Variants in NCAPD3 observed in about 807,000 individuals in gnomAD.
The protein encoded by NCAPD3 is condensin-2 complex subunit D3.
Under a neutral mutation model 182.9 loss-of-function variants are expected in NCAPD3, and 105 were observed. That is an observed-to-expected ratio of 0.57 (90% CI 0.49 to 0.68). The LOEUF is 0.68. Ranked by LOEUF, NCAPD3 falls within the 30% of genes least tolerant of loss-of-function variation. The pLI, the probability that NCAPD3 is intolerant of heterozygous loss-of-function variation, is 0.00. For synonymous variants in NCAPD3, 815 were observed against 679.9 expected (o/e 1.20, Z -3.09); for missense variants, 1,944 against 1,837.0 (o/e 1.06, Z -1.07).
At chr11:134,168,287 A>C (rs1478160256) in intron 26 of NCAPD3, 92 bp from the exon 27 acceptor site, 4 of 1,442,788 alleles carry the variant, frequency 2.8e-6, no homozygotes, top group Non-Finnish European at 3.9e-6. Context: ...GGGCCATCTG[A>C]GGCTGTCAGG....
rs1943534282 is a variant in NCAPD3, at chr11:134,160,071, C to A, written c.3688G>T (p.Val1230Leu). The change falls in exon 29 of 35, where the codon GTG becomes TTG. Residue 1230 changes from valine to leucine, a missense_variant. By Grantham distance (32) the Val-to-Leu change is conservative (BLOSUM62 1). This residue lies in a region of NCAPD3 where 1,803 missense variants were observed against 1,674.6 expected (regional missense o/e 1.08). Transcript: ENST00000534548. The part of the protein sequence containing the change: ...LRELMHYLRE[V>L]MQDYRDELKD... ...AGCTCATCTCGGTAATCCTGCATCA[C>A]CTCCTGAAACAGAGCCAGGAGCATC... 3 of 1,613,622 alleles carry A rather than the reference C, an allele frequency of 1.9e-6. No homozygotes were observed.
chr11:134,225,068 G>C (rs370688819), upstream of NCAPD3: 1 of 1,512,048 alleles, frequency 6.6e-7, no homozygotes, highest in South Asian at 1.2e-5. Context: ...AGGGCAGCCC[G>C]CGCCCCGGTG....
At position 134,168,643 on chromosome 11, in the gene NCAPD3, C is replaced by A. The variant is rs73731; in HGVS notation, c.3240-41G>T. 5 of 1,611,840 alleles carry A rather than the reference C, an allele frequency of 3.1e-6. No individual in the cohort carries two copies. The African/African-American group carries it at 5.3e-5, about 17-fold the overall frequency. ...ACAAGTTCACTGCATCACATGGGCA[C>A]GGGTGTAAGGGATTTAACACTGCAC... On this transcript the variant is annotated intron_variant, in intron 25 of 34. Transcript: ENST00000534548.
intron 24 of NCAPD3, among the ~76,000 whole-genome samples, chr11:134,174,382 C>CAA (rs34533048): frequency 0.078 from 4,081 of 52,582 alleles, 287 homozygotes; most frequent in African/African-American, 0.11. Flanking sequence ...GACCCTGTCT[C>CAA]AAAAAAAAAA....
chr11:134,168,160 C>G lies in NCAPD3; in HGVS notation c.3409G>C (p.Asp1137His). 1.2e-6 allele frequency: 2 copies of G among 1,614,132 alleles called. No homozygotes were observed. The change falls in exon 27 of 35, where the codon GAC becomes CAC. Residue 1137 changes from aspartate (D) to histidine (H), a missense_variant. By Grantham distance (81) the Asp-to-His change is moderately conservative. Coordinates refer to ENST00000534548, the MANE Select transcript of NCAPD3 (RefSeq NM_015261.3). ...FADGILPLDL[D>H]ASELLSDTFE... The stretch of plus-strand genomic sequence containing the variant: ...GTGTCTGAGAGTAACTCACTGGCGT[C>G]CAGGTCCAGGGGTAGGATGCCATCA...
intron 31 of NCAPD3, among the ~76,000 whole-genome samples, 154 bp downstream of exon 31, chr11:134,157,774 C>A (rs1943464595): frequency 6.6e-6 from 1 of 152,182 alleles, no homozygotes; most frequent in South Asian, 2.1e-4. Context: ...AATAAATATG[C>A]ATTGTTTTAC....
At chr11:134,222,324 A>T (rs1001377326) in intron 1 of NCAPD3, among the ~76,000 whole-genome samples, 3 of 152,208 alleles carry the variant, frequency 2.0e-5, no homozygotes, top group African/African-American at 7.2e-5. Context: ...TAGGGAAGCC[A>T]CTTATACTTC....
chr11:134,199,768 T>C (rs926737525), intron 13 of NCAPD3, among the ~76,000 whole-genome samples: 3 of 152,210 alleles, frequency 2.0e-5, no homozygotes, highest in African/African-American at 7.2e-5. Context: ...TGTCTTGTTA[T>C]GGGGATCCAT....
At chr11:134,157,866 G>C in intron 31 of NCAPD3, 62 bp downstream of exon 31, 1 of 1,514,414 alleles carries the variant, frequency 6.6e-7, no homozygotes, top group Non-Finnish European at 9.0e-7. Context: ...ATAAGAAGTA[G>C]CTTGTTCTGT....
intron 27 of NCAPD3, among the ~76,000 whole-genome samples, chr11:134,165,992 GA>G (rs1191409213): frequency 1.6e-5 from 2 of 128,014 alleles, no homozygotes; most frequent in African/African-American, 3.0e-5. Context: ...TGAGCTTAGG[GA>G]GAGCAGCACA....
intron 27 of NCAPD3, among the ~76,000 whole-genome samples, chr11:134,163,611 A>G (rs189176404): frequency 6.6e-5 from 10 of 151,676 alleles, no homozygotes; most frequent in African/African-American, 2.2e-4. Flanking sequence ...GAGGCAGGAG[A>G]ATGGCATGAA....
chr11:134,156,256 G>C (rs1194634854), intron 32 of NCAPD3, among the ~76,000 whole-genome samples: 1 of 152,158 alleles, frequency 6.6e-6, no homozygotes, highest in African/African-American at 2.4e-5. Context: ...AGTGAGGAGT[G>C]GAATGGCCAG....
At chr11:134,178,535 G>A (rs570866997) in intron 22 of NCAPD3, 99 bp downstream of exon 22, 2 of 910,086 alleles carry the variant, frequency 2.2e-6, no homozygotes, top group Non-Finnish European at 3.3e-6. Flanking sequence ...GACACAGACA[G>A]GCTCCGCAGC....
Position 134,204,010 on chromosome 11 carries a change from A to T in NCAPD3, c.1215+36T>A. 1.2e-6 allele frequency: 2 copies of T among 1,600,930 alleles called. No homozygotes were observed. Among genetic ancestry groups the T allele is most frequent in the Non-Finnish European group, 1.7e-6 (2 of 1,172,408 alleles). Reference sequence around the variant, plus strand: ...AGAGACCCTTTTAAAAAGAGTTTAAAAAGGACCCAAGGTTTTATGCAGAGC... The same window carrying T: ...AGAGACCCTTTTAAAAAGAGTTTAATAAGGACCCAAGGTTTTATGCAGAGC... On this transcript the variant is annotated intron_variant, in intron 10 of 34. Coordinates refer to ENST00000534548, the MANE Select transcript of NCAPD3 (RefSeq NM_015261.3). The surrounding 1 kb of genome is among the most constrained non-coding windows in gnomAD (Gnocchi z 4.3).
intron 1 of NCAPD3, among the ~76,000 whole-genome samples, chr11:134,222,141 G>GGA (rs1938255121): frequency 6.6e-6 from 1 of 152,156 alleles, no homozygotes; most frequent in African/African-American, 2.4e-5. Context: ...TGAGAGTATA[G>GGA]GAGACACTGA....
Position 134,181,169 on chromosome 11 carries a change from C to T in NCAPD3, c.2467G>A (p.Val823Met), listed in dbSNP as rs765670049. 7.4e-6 allele frequency: 12 copies of T among 1,613,766 alleles called. No homozygotes were observed. Among genetic ancestry groups the T allele is most frequent in the South Asian group, 1.1e-5 (1 of 91,030 alleles). ...PAEEQELLTQVCGDVLSTCEH... is the reference protein window; with the variant it reads ...PAEEQELLTQMCGDVLSTCEH... Reference sequence around the variant, plus strand: ...CAGGTGGAGAGTACATCCCCACACACCTGCGTCAGCAATTCCTACGGCAAG... The same window carrying T: ...CAGGTGGAGAGTACATCCCCACACATCTGCGTCAGCAATTCCTACGGCAAG... Residue 823 changes from valine (V) to methionine (M), a missense_variant, in exon 20 of 35, where the codon GTG becomes ATG. Physicochemically the swap from Val to Met is conservative, Grantham distance 21. This residue lies in a region of NCAPD3 where 1,803 missense variants were observed against 1,674.6 expected (regional missense o/e 1.08). Coordinates refer to ENST00000534548, the MANE Select transcript of NCAPD3 (RefSeq NM_015261.3).
rs182572951 is a variant in NCAPD3, at chr11:134,160,729, G to A, written c.3685-655C>T. ...ACAGTAATAGGGAGAAAAAGACACT[G>A]CAGTTCCAACTGGGAGGGAAGTCTC... On this transcript the variant is annotated intron_variant, in intron 28 of 34. Transcript: ENST00000534548. 1.7e-3 allele frequency among the ~76,000 whole-genome samples: 252 copies of A among 152,098 alleles called. 1 individual carries two copies. Among genetic ancestry groups the A allele is most frequent in the South Asian group, 2.7e-3 (13 of 4,816 alleles).
In NCAPD3 at chr11:134,160,059, A is replaced by T; in HGVS notation, c.3700T>A (p.Tyr1234Asn). 1 of 1,613,988 alleles carries T rather than the reference A, an allele frequency of 6.2e-7. No homozygotes were observed. The highest frequency in any genetic ancestry group is 8.5e-7 in the Non-Finnish European group (1 of 1,179,960). Residue 1234 changes from tyrosine (Y) to asparagine (N), a missense_variant, in exon 29 of 35, where the codon TAC (tyrosine) becomes AAC (asparagine). Transcript: ENST00000534548. ...AAGAAGTCCTTGAGCTCATCTCGGTAATCCTGCATCACCTCCTGAAACAGA... is the reference window on the plus strand; with the variant it reads ...AAGAAGTCCTTGAGCTCATCTCGGTTATCCTGCATCACCTCCTGAAACAGA... ...MHYLREVMQDYRDELKDFFAV... is the reference protein window; with the variant it reads ...MHYLREVMQDNRDELKDFFAV...
chr11:134,165,334 G>A (rs559351788), intron 27 of NCAPD3, among the ~76,000 whole-genome samples: 2 of 151,852 alleles, frequency 1.3e-5, no homozygotes, highest in East Asian at 3.9e-4. Context: ...GAGCTTAAGT[G>A]GAGGGGCACA....
Sources: gnomAD v4.1 joint callset for allele counts (sites outside exome capture counted in the v4.1 genomes callset) on GRCh38, gnomAD v4.1.1 for gene constraint, gnomAD v4.1.1 regional missense constraint, Gnocchi (gnomAD v3.1) non-coding constraint, MANE v1.5 for transcripts, NCBI Gene and HGNC (gene_info 2026-07-23, HGNC 2026-07-21) for gene names.